Variants in ARHGAP8 observed in about 807,000 individuals in gnomAD.
The protein encoded by ARHGAP8 is rho GTPase-activating protein 8.
Under a neutral mutation model 46.1 loss-of-function variants are expected in ARHGAP8, and 62 were observed. The ratio of observed to expected loss-of-function variants is 1.34; its 90% CI spans 1.10 to 1.66. The LOEUF is 1.66. Among genes scored for constraint, ARHGAP8 ranks in the 40% most tolerant of loss-of-function variants. ARHGAP8 has a pLI of 0.00. For synonymous variants in ARHGAP8, 375 were observed against 243.1 expected (o/e 1.54, Z -5.05); for missense variants, 923 against 568.4 (o/e 1.62, Z -6.34).
At chr22:44,783,303 A>C (rs1329045645) in intron 1 of ARHGAP8, among the ~76,000 whole-genome samples, 14 of 142,094 alleles carry the variant, frequency 9.9e-5, no homozygotes, top group South Asian at 4.6e-4. Flanking sequence ...CCCCCTCCCC[A>C]CCCCCGCAGC....
rs775364578 is a variant in ARHGAP8, at chr22:44,786,468, G to A, written c.-60G>A. ...CTTCTTTGCCGCAGAGCTGCAGAGA[G>A]ACAAGGCGGCGGCGGCTGCTGTGCT... is the stretch of plus-strand genomic sequence containing the variant. On this transcript the variant is annotated 5_prime_UTR_variant, in exon 2 of 12. Coordinates refer to ENST00000356099, the MANE Select transcript of ARHGAP8 (RefSeq NM_181335.3). 37 of 1,604,334 alleles carry A rather than the reference G, an allele frequency of 2.3e-5. No individual in the cohort carries two copies. The Admixed American group carries it at 5.6e-4, about 24-fold the overall frequency.
At chr22:44,834,515 G>C (rs1931156583) in intron 7 of ARHGAP8, among the ~76,000 whole-genome samples, 1 of 152,116 alleles carries the variant, frequency 6.6e-6, no homozygotes, top group Non-Finnish European at 1.5e-5. Flanking sequence ...GGCTTGTTAT[G>C]TGGTATAACA....
At chr22:44,801,993 G>A (rs1928589738) in intron 2 of ARHGAP8, 84 bp from the exon 3 acceptor site, 7 of 1,560,430 alleles carry the variant, frequency 4.5e-6, no homozygotes, top group Non-Finnish European at 6.2e-6. Context: ...GGCTGGACTG[G>A]CCAAGGAGGC....
At chr22:44,762,978 C>T (rs1284374269) in intron 1 of ARHGAP8, among the ~76,000 whole-genome samples, 1 of 152,170 alleles carries the variant, frequency 6.6e-6, no homozygotes, top group Non-Finnish European at 1.5e-5. Flanking sequence ...ATCAGTCCCT[C>T]ACAACCTTTG....
rs575264794 is a variant in ARHGAP8 at position 44,823,122 on chromosome 22, G to A, written c.485+653G>A. On this transcript the variant is annotated intron_variant, in intron 6 of 11. Coordinates refer to ENST00000356099, the MANE Select transcript of ARHGAP8 (RefSeq NM_181335.3). ...TGCAGGGAAGGCTGGTAGCCTTGCA[G>A]GGGTAATGGAGATAATAACTTCTCT... 9.8e-5 allele frequency among the ~76,000 whole-genome samples: 15 copies of A among 152,330 alleles called. 1 individual carries two copies. Among genetic ancestry groups the A allele is most frequent in the African/African-American group, 3.4e-4 (14 of 41,580 alleles).
intron 7 of ARHGAP8, among the ~76,000 whole-genome samples, chr22:44,827,245 C>G (rs1359448554): frequency 2.0e-5 from 3 of 151,492 alleles, no homozygotes; most frequent in Non-Finnish European, 4.4e-5. Context: ...TGGATTCTTC[C>G]CTGGAGCCTC....
intron 10 of ARHGAP8, among the ~76,000 whole-genome samples, chr22:44,859,387 G>A (rs189310426): frequency 5.9e-5 from 9 of 152,248 alleles, no homozygotes; most frequent in East Asian, 1.9e-4. Flanking sequence ...TTTTTGCCAC[G>A]TGATGCACCT....
chr22:44,767,755 C>A (rs917329472), intron 1 of ARHGAP8, among the ~76,000 whole-genome samples: 1 of 151,176 alleles, frequency 6.6e-6, no homozygotes, highest in African/African-American at 2.4e-5. Context: ...TGCCTGTAAT[C>A]CCAGGTACTC....
At chr22:44,790,116 C>A (rs761886075) in intron 2 of ARHGAP8, among the ~76,000 whole-genome samples, 2 of 152,018 alleles carry the variant, frequency 1.3e-5, no homozygotes, top group Non-Finnish European at 2.9e-5. Flanking sequence ...AAACATAGGA[C>A]GGATGTAATC....
chr22:44,809,002 G>A (rs895381842), intron 4 of ARHGAP8: 3 of 412,886 alleles, frequency 7.3e-6, no homozygotes, highest in African/African-American at 4.3e-5. Flanking sequence ...ATTTTTTTTT[G>A]TAGAGACGGG....
intron 1 of ARHGAP8, among the ~76,000 whole-genome samples, chr22:44,769,117 G>A (rs1006111415): frequency 6.6e-6 from 1 of 152,200 alleles, no homozygotes; most frequent in Non-Finnish European, 1.5e-5. Context: ...TTACAGGCAT[G>A]AGGCACCGTG....
At chr22:44,764,936 G>C (rs1602143703) in intron 1 of ARHGAP8, among the ~76,000 whole-genome samples, 1 of 152,338 alleles carries the variant, frequency 6.6e-6, no homozygotes, top group East Asian at 1.9e-4. Context: ...ACAAGGCCCG[G>C]ATTATGTGGT....
intron 10 of ARHGAP8, among the ~76,000 whole-genome samples, chr22:44,858,134 A>C (rs1401963259): frequency 6.6e-6 from 1 of 152,210 alleles, no homozygotes. Flanking sequence ...TTTTATTAAG[A>C]AGCCAACAGG....
chr22:44,789,554 G>A (rs891016719), intron 2 of ARHGAP8, among the ~76,000 whole-genome samples: 1 of 152,156 alleles, frequency 6.6e-6, no homozygotes, highest in South Asian at 2.1e-4. Context: ...AGGCTGTGCA[G>A]TGGCGCTGTC....
intron 10 of ARHGAP8, among the ~76,000 whole-genome samples, chr22:44,855,817 G>A (rs893308208): frequency 9.9e-5 from 15 of 152,250 alleles, no homozygotes; most frequent in African/African-American, 2.2e-4. Flanking sequence ...AGCTGTCGCC[G>A]AGTCTGTGTT....
chr22:44,848,082 C>G (rs1175353759), intron 9 of ARHGAP8, 32 bp downstream of exon 9: 1 of 1,601,802 alleles, frequency 6.2e-7, no homozygotes, highest in Non-Finnish European at 8.5e-7. Flanking sequence ...GAGCCCCGAG[C>G]TGCCTGGTCA....
In ARHGAP8 at chr22:44,859,796, T is replaced by G. The variant is rs2070377294; in HGVS notation, c.943T>G (p.Tyr315Asp). ...CTTACGGAGCCTCCCAGAGCACAAC[T>G]ACGTCGTCCTCCGCTACCTCATGGG... ...QILRSLPEHNYVVLRYLMGFL... is the reference protein window; with the variant it reads ...QILRSLPEHNDVVLRYLMGFL... The change falls in exon 11 of 12, where the codon TAC (tyrosine) becomes GAC (aspartate). Residue 315 changes from tyrosine (Y) to aspartate (D), a missense_variant. Tyr to Asp is a radical substitution (Grantham distance 160). Transcript: ENST00000356099. 1.7e-5 allele frequency: 27 copies of G among 1,614,048 alleles called. No homozygotes were observed. Among genetic ancestry groups the G allele is most frequent in the Non-Finnish European group, 2.2e-5 (26 of 1,180,014 alleles).
intron 2 of ARHGAP8, among the ~76,000 whole-genome samples, chr22:44,787,919 CTTTTTTTT>C (rs1194920444): frequency 1.1e-5 from 1 of 89,090 alleles, no homozygotes; most frequent in Admixed American, 1.1e-4. Context: ...CCCAAATGTC[CTTTTTTTT>C]TTTTTTTTTT....
intron 1 of ARHGAP8, among the ~76,000 whole-genome samples, chr22:44,777,521 G>A (rs766263878): frequency 1.2e-4 from 18 of 151,924 alleles, no homozygotes; most frequent in Non-Finnish European, 2.2e-4. Context: ...TCGCCCCTGA[G>A]CAGGGTCACT....
Sources: allele counts gnomAD v4.1 joint callset (sites outside exome capture counted in the v4.1 genomes callset), GRCh38; gene constraint gnomAD v4.1.1; transcripts MANE v1.5; gene names NCBI Gene and HGNC (gene_info 2026-07-23, HGNC 2026-07-21).